UGT1A8: variants seen among roughly 807,000 people sequenced by gnomAD.
The protein encoded by UGT1A8 is UDP glucuronosyltransferase family 1 member A8.
In UGT1A8, 39 loss-of-function variants were observed where a neutral mutation model predicts 45.3. That is an observed-to-expected ratio of 0.86 (90% CI 0.67 to 1.12). The LOEUF is 1.12. UGT1A8 is among the 50% of genes most tolerant of loss of function. The pLI, the probability that UGT1A8 is intolerant of heterozygous loss-of-function variation, is 0.00. For missense variants in UGT1A8, 719 were observed against 664.9 expected (o/e 1.08, Z -0.90); for synonymous variants, 275 against 249.2 (o/e 1.10, Z -0.97).
intron 1 of UGT1A8, among the ~76,000 whole-genome samples, chr2:233,637,919 A>C (rs1190126292): frequency 6.6e-6 from 1 of 152,188 alleles, no homozygotes; most frequent in African/African-American, 2.4e-5. Flanking sequence ...TAATAATTGC[A>C]TAAAATTCTT....
chr2:233,649,154 A>G (rs2125474017), intron 1 of UGT1A8: 2 of 525,698 alleles, frequency 3.8e-6, no homozygotes, highest in Non-Finnish European at 5.7e-6. Context: ...GTAAAAAATT[A>G]TTTTGTGCCA....
chr2:233,651,366 T>C (rs1362114506), intron 1 of UGT1A8, among the ~76,000 whole-genome samples: 1 of 152,198 alleles, frequency 6.6e-6, no homozygotes, highest in Admixed American at 6.5e-5. Flanking sequence ...AAGATATGTA[T>C]AAAATAGGAA....
At chr2:233,658,668 A>G (rs2073904428) in intron 1 of UGT1A8, among the ~76,000 whole-genome samples, 3 of 152,210 alleles carry the variant, frequency 2.0e-5, no homozygotes, top group Non-Finnish European at 4.4e-5. Flanking sequence ...AGGAAGTAAG[A>G]CCACAAAGGT....
chr2:233,680,252 A>G (rs1339580388), intron 1 of UGT1A8, among the ~76,000 whole-genome samples: 1 of 152,136 alleles, frequency 6.6e-6, no homozygotes, highest in Non-Finnish European at 1.5e-5. Flanking sequence ...ATTACACTAA[A>G]CATGATGAAA....
At chr2:233,724,781 A>C (rs1318999915) in intron 1 of UGT1A8, among the ~76,000 whole-genome samples, 2 of 140,898 alleles carry the variant, frequency 1.4e-5, no homozygotes, top group Admixed American at 7.0e-5. Flanking sequence ...GACACTCCTC[A>C]CTTCCCAGAC....
intron 1 of UGT1A8, among the ~76,000 whole-genome samples, chr2:233,640,989 CAT>C (rs1158391729): frequency 1.3e-5 from 2 of 152,272 alleles, no homozygotes; most frequent in East Asian, 1.9e-4. Context: ...GCAAAAATAA[CAT>C]AATCTTCCTG....
At chr2:233,757,444 G>A (rs1344287126) in intron 1 of UGT1A8, among the ~76,000 whole-genome samples, 1 of 150,698 alleles carries the variant, frequency 6.6e-6, no homozygotes, top group Non-Finnish European at 1.5e-5. Context: ...CTTCTATACA[G>A]AAACATGTCC....
chr2:233,766,305 G>A (rs1441767002), intron 1 of UGT1A8, among the ~76,000 whole-genome samples: 4 of 152,018 alleles, frequency 2.6e-5, no homozygotes, highest in African/African-American at 7.2e-5. Flanking sequence ...GCTCTCCTCC[G>A]ACTGCCTCAG....
At chr2:233,729,649 A>T (rs61764031) in intron 1 of UGT1A8, 1,345 of 1,613,864 alleles carry the variant, frequency 8.3e-4, no homozygotes, top group Non-Finnish European at 1.1e-3. Context: ...TTTTTTGAGG[A>T]ACATTCCATG....
At chr2:233,662,034 T>C (rs747803183) in intron 1 of UGT1A8, among the ~76,000 whole-genome samples, 1 of 152,130 alleles carries the variant, frequency 6.6e-6, no homozygotes, top group Non-Finnish European at 1.5e-5. Context: ...CTCCCTGCAA[T>C]AGCAACAGGG....
chr2:233,636,757 A>G, intron 1 of UGT1A8: 2 of 1,614,140 alleles, frequency 1.2e-6, no homozygotes, highest in Non-Finnish European at 1.7e-6. Context: ...GACTTACTCA[A>G]CCTCGTACAC....
chr2:233,707,940 T>C (rs1388971917), intron 1 of UGT1A8, among the ~76,000 whole-genome samples: 2 of 152,248 alleles, frequency 1.3e-5, no homozygotes, highest in Non-Finnish European at 2.9e-5. Context: ...TATCAGTCAT[T>C]TGGATTTCCT....
intron 1 of UGT1A8, chr2:233,752,371 G>C (rs1694955006): frequency 6.6e-6 from 1 of 152,082 alleles, no homozygotes; most frequent in Non-Finnish European, 1.5e-5. Flanking sequence ...GTCTCAAGAG[G>C]GTCATCTTTG....
intron 1 of UGT1A8, among the ~76,000 whole-genome samples, chr2:233,681,407 G>A (rs761817617): frequency 4.4e-4 from 66 of 151,622 alleles, no homozygotes; most frequent in Non-Finnish European, 6.8e-4. Context: ...GGCAGCGTGC[G>A]CCTGTAATCC....
intron 1 of UGT1A8, among the ~76,000 whole-genome samples, chr2:233,649,675 A>G (rs1241755999): frequency 6.6e-6 from 1 of 152,202 alleles, no homozygotes; most frequent in Non-Finnish European, 1.5e-5. Context: ...CAACATAGAC[A>G]CAAGCTTTCC....
At chr2:233,752,715 G>T (rs1184638783) in intron 1 of UGT1A8, among the ~76,000 whole-genome samples, 2 of 152,110 alleles carry the variant, frequency 1.3e-5, no homozygotes, top group African/African-American at 4.8e-5. Flanking sequence ...ATCTTGCCTA[G>T]GCAACAGCTA....
chr2:233,626,434 C>T (rs1406950593), intron 1 of UGT1A8, among the ~76,000 whole-genome samples: 2 of 151,972 alleles, frequency 1.3e-5, no homozygotes, highest in African/African-American at 4.8e-5. Flanking sequence ...TTGAATTTCT[C>T]CAAGATTCAT....
chr2:233,768,337 C>A lies in UGT1A8; in HGVS notation c.1193C>A (p.Ala398Glu). 1 of 1,614,128 alleles carries A rather than the reference C, an allele frequency of 6.2e-7. No individual in the cohort carries two copies. Among genetic ancestry groups the A allele is most frequent in the African/African-American group, 1.3e-5 (1 of 75,022 alleles). ...TTGTTTGGTGATCAGATGGACAATG[C>A]AAAGCGCATGGAGACTAAGGGAGCT... The part of the protein sequence containing the change: ...MPLFGDQMDN[A>E]KRMETKGAGV... The change falls in exon 4 of 5, where the codon GCA becomes GAA. Residue 398 changes from alanine to glutamate, a missense_variant. Coordinates refer to ENST00000373450, the MANE Select transcript of UGT1A8 (RefSeq NM_019076.5).
At chr2:233,666,563 A>G (rs897128142) in intron 1 of UGT1A8, among the ~76,000 whole-genome samples, 1 of 152,002 alleles carries the variant, frequency 6.6e-6, no homozygotes, top group Non-Finnish European at 1.5e-5. Flanking sequence ...AAGATTATTT[A>G]TATTCTGGAT....
Sources: allele counts gnomAD v4.1 joint callset (sites outside exome capture counted in the v4.1 genomes callset), GRCh38; gene constraint gnomAD v4.1.1; transcripts MANE v1.5; gene names NCBI Gene and HGNC (gene_info 2026-07-23, HGNC 2026-07-21).